The following MCM9 variants were observed in gnomAD, a reference collection of about 807,000 sequenced individuals.
The protein encoded by MCM9 is minichromosome maintenance 9 homologous recombination repair factor, also known as DNA helicase MCM9.
In MCM9, 55 loss-of-function variants were observed where a neutral mutation model predicts 72.8. The ratio of observed to expected loss-of-function variants is 0.76; its 90% CI spans 0.61 to 0.95. MCM9 has a LOEUF of 0.95. Among genes scored for constraint, MCM9 ranks in the 40% least tolerant of loss-of-function variants. The pLI, the probability that MCM9 is intolerant of heterozygous loss-of-function variation, is 0.00. For synonymous variants in MCM9, 480 were observed against 503.4 expected (o/e 0.95, Z 0.62); for missense variants, 1,279 against 1,377.0 (o/e 0.93, Z 1.13).
chr6:118,814,787 T>C lies in MCM9; in HGVS notation c.*37A>G. 6.8e-7 allele frequency: 1 copy of C among 1,466,088 alleles called. No homozygotes were observed. Among genetic ancestry groups the C allele is most frequent in the Non-Finnish European group, 9.0e-7 (1 of 1,107,334 alleles). The allele number at this position is 1,466,088 out of a possible 1,614,324, so 90.8% of individuals were successfully genotyped here. A position where few individuals can be genotyped will look rare whatever the true frequency, so the allele number is the denominator to read the frequency against. On this transcript the variant is annotated 3_prime_UTR_variant, in exon 14 of 14. Coordinates refer to ENST00000619706, the MANE Select transcript of MCM9 (RefSeq NM_017696.3). The stretch of plus-strand genomic sequence containing the variant: ...ATATCCTGAAGGTCCTCTGTGGAGT[T>C]GAAGAAGGTGAGATTTGACCAGAAA...
In MCM9 at chr6:118,856,469, G is replaced by A. The variant is rs1349576555; in HGVS notation, c.1227C>T (p.Gly409=). 3.3e-6 allele frequency: 5 copies of A among 1,535,508 alleles called. No individual in the cohort carries two copies. The African/African-American group carries it at 6.8e-5, about 21-fold the overall frequency. ...EAGALVLADA[G]LCCIDEFNSL... ...TATTGAACTCATCAATACAGCAAAG[G>A]CCCGCATCTGCAAGAACTAATGCCC... The change falls in exon 9 of 14, where the codon GGC becomes GGT. Residue 409 remains glycine (G), a synonymous_variant. Transcript: ENST00000619706.
At chr6:118,888,542 C>A (rs973597769) in intron 8 of MCM9, among the ~76,000 whole-genome samples, 3 of 152,066 alleles carry the variant, frequency 2.0e-5, no homozygotes, top group African/African-American at 7.2e-5. Context: ...AAAGGAGTTA[C>A]AATATCTTAC....
intron 13 of MCM9, among the ~76,000 whole-genome samples, chr6:118,824,138 G>GC (rs1269929212): frequency 3.7e-5 from 5 of 136,738 alleles, no homozygotes; most frequent in African/African-American, 1.1e-4. Flanking sequence ...TGAAACCTCT[G>GC]CCCCCCGGGG....
At chr6:118,894,663 A>C in intron 8 of MCM9, 1 of 730,046 alleles carries the variant, frequency 1.4e-6, no homozygotes. Flanking sequence ...CTTGAAGTTG[A>C]TGGACGACGG....
intron 9 of MCM9, among the ~76,000 whole-genome samples, chr6:118,842,940 C>T (rs1471425558): frequency 6.7e-6 from 1 of 149,988 alleles, no homozygotes; most frequent in Non-Finnish European, 1.5e-5. Flanking sequence ...AAAATGTTTC[C>T]AGATTTAAGT....
chr6:118,886,973 AAAG>A (rs1211720665), intron 8 of MCM9, among the ~76,000 whole-genome samples: 1 of 152,202 alleles, frequency 6.6e-6, no homozygotes, highest in African/African-American at 2.4e-5. Context: ...TCAAAAAAAG[AAAG>A]AAGGAAAACT....
At chr6:118,819,978 A>AT (rs566233242) in intron 13 of MCM9, among the ~76,000 whole-genome samples, 5,898 of 151,918 alleles carry the variant, frequency 0.039, 254 homozygotes, top group African/African-American at 0.11. Context: ...CCCCTTTATC[A>AT]TTTTTTTATT....
At chr6:118,894,272 G>A in intron 8 of MCM9, 4 of 1,462,408 alleles carry the variant, frequency 2.7e-6, no homozygotes, top group Non-Finnish European at 3.6e-6. Context: ...AATAAAAAGA[G>A]GAAAAAAGTT....
In MCM9 at chr6:118,895,565, C is replaced by T. The variant is rs9401092; in HGVS notation, c.1150+16085G>A. ...TAGGCTAGGAAATTAAGGTCAACTC[C>T]TCATGTCAGTCCAAGAATTCTTGGT... On this transcript the variant is annotated intron_variant, in intron 8 of 13. Coordinates refer to ENST00000619706, the MANE Select transcript of MCM9 (RefSeq NM_017696.3). 3.9e-3 allele frequency among the ~76,000 whole-genome samples: 592 copies of T among 152,198 alleles called. 11 individuals carry two copies. The East Asian group carries it at 0.042, about 11-fold the overall frequency.
chr6:118,891,730 A>G (rs998843537), intron 8 of MCM9, among the ~76,000 whole-genome samples: 1 of 152,168 alleles, frequency 6.6e-6, no homozygotes, highest in Non-Finnish European at 1.5e-5. Context: ...GGGAGACATA[A>G]TTCAGTCTAA....
Position 118,912,023 on chromosome 6 carries a change from T to G in MCM9, c.1031-254A>C, listed in dbSNP as rs1583641641. The stretch of plus-strand genomic sequence containing the variant: ...ATGTTCAGGCCTATGTTTAACATTT[T>G]AAAAAATATCTGGGGCCAGGTGCGG... On this transcript the variant is annotated intron_variant, in intron 7 of 13. Coordinates refer to ENST00000619706, the MANE Select transcript of MCM9 (RefSeq NM_017696.3). The G allele has an allele frequency of 2.3e-5, 6 of 255,892 alleles. No homozygotes were observed. The East Asian group carries it at 4.5e-4, about 19-fold the overall frequency. 15.9% of individuals were successfully genotyped at this position (255,892 alleles called of 1,614,324 possible).
At chr6:118,872,766 G>A (rs1562418651) in intron 8 of MCM9, among the ~76,000 whole-genome samples, 1 of 150,532 alleles carries the variant, frequency 6.6e-6, no homozygotes, top group Non-Finnish European at 1.5e-5. Flanking sequence ...AAAGAAGGAA[G>A]ATACAAAAAT....
chr6:118,933,442 C>G (rs1390597181), intron 1 of MCM9, among the ~76,000 whole-genome samples: 1 of 151,246 alleles, frequency 6.6e-6, no homozygotes, highest in African/African-American at 2.4e-5. Context: ...GGAGGCGGAG[C>G]TTGCAGTGAG....
chr6:118,888,930 G>A (rs1778777842), intron 8 of MCM9, among the ~76,000 whole-genome samples: 1 of 152,056 alleles, frequency 6.6e-6, no homozygotes, highest in African/African-American at 2.4e-5. Context: ...GGGATATGCT[G>A]GGGAGGGGGA....
chr6:118,855,247 AAG>A (rs1297474732), intron 9 of MCM9, among the ~76,000 whole-genome samples: 2 of 152,214 alleles, frequency 1.3e-5, no homozygotes, highest in Non-Finnish European at 2.9e-5. Flanking sequence ...TCCTCAATCA[AAG>A]AGTTTAGAAG....
intron 8 of MCM9, among the ~76,000 whole-genome samples, chr6:118,903,783 C>T (rs1201928341): frequency 6.6e-6 from 1 of 152,144 alleles, no homozygotes; most frequent in Non-Finnish European, 1.5e-5. Context: ...GATGGGGTTT[C>T]GCCATGTGGC....
chr6:118,911,825 A>G, intron 7 of MCM9, 56 bp from the exon 8 acceptor site: 1 of 1,343,602 alleles, frequency 7.4e-7, no homozygotes, highest in Non-Finnish European at 1.1e-6. Context: ...TCCATTTGGA[A>G]TGCCAACAAA....
chr6:118,883,309 A>C (rs140188411), intron 8 of MCM9, among the ~76,000 whole-genome samples: 1,572 of 152,158 alleles, frequency 0.01, 29 homozygotes, highest in African/African-American at 0.036. Context: ...GTAAAGGGCA[A>C]GATAAAAAAT....
Position 118,911,486 on chromosome 6 carries a change from T to C in MCM9, c.1150+164A>G. The C allele has an allele frequency of 2.3e-6, 3 of 1,328,498 alleles. No homozygotes were observed. In the Admixed American group the frequency reaches 1.1e-4, roughly 47 times the overall value. 82.3% of individuals were successfully genotyped at this position (1,328,498 alleles called of 1,614,324 possible). A position where few individuals can be genotyped will look rare whatever the true frequency, so the allele number is the denominator to read the frequency against. ...TGAAGGTGGAGCTTGCAAGATATTT[T>C]CTTAGAGCTACCAAAATAACATTGC... On this transcript the variant is annotated intron_variant, in intron 8 of 13. Coordinates refer to ENST00000619706, the MANE Select transcript of MCM9 (RefSeq NM_017696.3).
Sources: gnomAD v4.1 joint callset for allele counts (sites outside exome capture counted in the v4.1 genomes callset) on GRCh38, gnomAD v4.1.1 for gene constraint, MANE v1.5 for transcripts, NCBI Gene and HGNC (gene_info 2026-07-23, HGNC 2026-07-21) for gene names.